EHD2: variants seen among roughly 807,000 people sequenced by gnomAD.
The protein encoded by EHD2 is EH domain containing 2.
EHD2 carries 27 observed loss-of-function variants against 41.0 expected under a neutral mutation model. That is an observed-to-expected ratio of 0.66 (90% CI 0.49 to 0.91). The LOEUF (loss-of-function observed/expected upper bound fraction) is 0.91, where lower values mean the gene tolerates loss of function less well. Ranked by LOEUF, EHD2 falls within the 40% of genes least tolerant of loss-of-function variation. EHD2 has a pLI of 0.00. For synonymous variants in EHD2, 342 were observed against 341.0 expected (o/e 1.00, Z -0.03); for missense variants, 673 against 773.9 (o/e 0.87, Z 1.55).
rs753293483 is a variant in EHD2, at chr19:47,726,214, G to A, written c.905G>A (p.Arg302Gln). The change falls in exon 4 of 6, where the codon CGG becomes CAG. Residue 302 changes from arginine (R) to glutamine (Q), a missense_variant. Physicochemically the swap from Arg to Gln is conservative, Grantham distance 43. Transcript: ENST00000263277. ...CTCAACGACCTGGTGAAGAGGGCCC[G>A]GCTGGTGCGAGTGAGTAGTCCTGAG... is the stretch of plus-strand genomic sequence containing the variant. Reference protein sequence around the residue: ...RKLNDLVKRARLVRVHAYIIS... With the variant: ...RKLNDLVKRAQLVRVHAYIIS... 2 of 1,515,854 alleles carry A rather than the reference G, an allele frequency of 1.3e-6. No individual in the cohort carries two copies. Among genetic ancestry groups the A allele is most frequent in the Admixed American group, 2.3e-5 (1 of 43,966 alleles). The allele number at this position is 1,515,854 out of a possible 1,614,324, so 93.9% of individuals were successfully genotyped here.
rs1030835848 is a variant in EHD2 at position 47,741,987 on chromosome 19, C to T, written c.*555C>T. On this transcript the variant is annotated 3_prime_UTR_variant, in exon 6 of 6. Coordinates refer to ENST00000263277, the MANE Select transcript of EHD2 (RefSeq NM_014601.4). The surrounding 1 kb of genome is among the most constrained non-coding windows in gnomAD (Gnocchi z 4.5). ...TGCCCAGCCAGGCAACACCCTCAACCGGCTCCATCACATCCTCAGGTCTCG... is the reference window on the plus strand; with the variant it reads ...TGCCCAGCCAGGCAACACCCTCAACTGGCTCCATCACATCCTCAGGTCTCG... The T allele has an allele frequency of 3.5e-5, 16 of 455,566 alleles. No homozygotes were observed. Among genetic ancestry groups the T allele is most frequent in the African/African-American group, 2.8e-4 (14 of 50,058 alleles). The allele number at this position is 455,566 out of a possible 1,614,324, so 28.2% of individuals were successfully genotyped here. A position where few individuals can be genotyped will look rare whatever the true frequency, so the allele number is the denominator to read the frequency against.
In EHD2 at chr19:47,725,859, CTCA is replaced by C. The variant is rs1471369257; in HGVS notation, c.556_558del (p.Ile186del). Reference sequence around the variant, plus strand: ...GCGCTGGTTCGCGGAGCGCGTGGACCTCATCATCCTGCTCTTTGATGCGCACAA... The same window carrying C: ...GCGCTGGTTCGCGGAGCGCGTGGACCTCATCCTGCTCTTTGATGCGCACAA... On this transcript the variant is annotated inframe_deletion, in exon 4 of 6. Coordinates refer to ENST00000263277, the MANE Select transcript of EHD2 (RefSeq NM_014601.4). The C allele has an allele frequency of 1.9e-6, 3 of 1,610,800 alleles. No homozygotes were observed. Among genetic ancestry groups the C allele is most frequent in the Non-Finnish European group, 8.5e-7 (1 of 1,177,498 alleles).
intron 5 of EHD2, among the ~76,000 whole-genome samples, chr19:47,739,272 TAA>T (rs1034041288): frequency 6.1e-5 from 7 of 114,302 alleles, no homozygotes; most frequent in African/African-American, 2.7e-4. Flanking sequence ...GGCTAATTTT[TAA>T]TTTTTTTTTT....
chr19:47,733,540 GC>G (rs1295748487), intron 4 of EHD2, among the ~76,000 whole-genome samples: 7 of 151,400 alleles, frequency 4.6e-5, no homozygotes, highest in Non-Finnish European at 1.0e-4. Flanking sequence ...GGTGGCGGGC[GC>G]CTGTAGTCCC....
In EHD2 at chr19:47,721,168, T is replaced by G. The variant is rs1225166863; in HGVS notation, c.502+2562T>G. 9.8e-5 allele frequency among the ~76,000 whole-genome samples: 7 copies of G among 71,652 alleles called. No homozygotes were observed. In the South Asian group the frequency reaches 1.9e-3, roughly 20 times the overall value. The allele number at this position is 71,652 out of a possible 152,430, so 47.0% of individuals were successfully genotyped here. ...GTGTCTGGATGTGCTACTGGGGGTG[T>G]GTGTGTGTGTGTGTGTGTGTGTGTG... On this transcript the variant is annotated intron_variant, in intron 3 of 5. Coordinates refer to ENST00000263277, the MANE Select transcript of EHD2 (RefSeq NM_014601.4).
chr19:47,713,909 G>C (rs1270764678), intron 1 of EHD2, among the ~76,000 whole-genome samples: 1 of 151,534 alleles, frequency 6.6e-6, no homozygotes, highest in Non-Finnish European at 1.5e-5. Context: ...CCCCTCTCCT[G>C]CCTCACCAGC....
rs1275237030 is a variant in EHD2, at chr19:47,716,810, G to A, written c.198G>A (p.Gln66=). Residue 66 remains glutamine (Q), a synonymous_variant, in exon 2 of 6, where the codon CAG becomes CAA. Coordinates refer to ENST00000263277, the MANE Select transcript of EHD2 (RefSeq NM_014601.4). ...AGCCCATGGTGCTGGTGGCCGGCCAGTACAGCACGGGCAAGACCAGCTTCA... is the reference window on the plus strand; with the variant it reads ...AGCCCATGGTGCTGGTGGCCGGCCAATACAGCACGGGCAAGACCAGCTTCA... ...DGKPMVLVAG[Q]YSTGKTSFIQ... 1.9e-6 allele frequency: 3 copies of A among 1,610,568 alleles called. No individual in the cohort carries two copies. In the African/African-American group the frequency reaches 4.0e-5, roughly 21 times the overall value.
intron 3 of EHD2, among the ~76,000 whole-genome samples, chr19:47,720,808 C>T (rs1028321497): frequency 2.0e-5 from 3 of 151,820 alleles, no homozygotes; most frequent in Non-Finnish European, 2.9e-5. Context: ...ATTGTATCTC[C>T]GGATACAGTT....
intron 4 of EHD2, among the ~76,000 whole-genome samples, chr19:47,726,835 C>T (rs144659791): frequency 6.6e-6 from 1 of 152,102 alleles, no homozygotes; most frequent in Non-Finnish European, 1.5e-5. Context: ...CGTGTCACCA[C>T]GCCCAGCTAA....
chr19:47,725,694 A>G, intron 3 of EHD2, 118 bp from the exon 4 acceptor site: 1 of 1,353,956 alleles, frequency 7.4e-7, no homozygotes, highest in Non-Finnish European at 9.8e-7. Context: ...TGGACAGCCA[A>G]CAACGTGAAC....
chr19:47,717,631 GC>G (rs1437736975), intron 2 of EHD2, among the ~76,000 whole-genome samples: 1 of 152,152 alleles, frequency 6.6e-6, no homozygotes, highest in Non-Finnish European at 1.5e-5. Context: ...CTTGGGCCAG[GC>G]CCGGTGGCTC....
At chr19:47,732,526 C>G (rs948275691) in intron 4 of EHD2, among the ~76,000 whole-genome samples, 1 of 152,088 alleles carries the variant, frequency 6.6e-6, no homozygotes, top group Non-Finnish European at 1.5e-5. Flanking sequence ...TCAAGTGATC[C>G]TCCCTCCTCA....
In EHD2 at chr19:47,719,938, G is replaced by C. The variant is rs1240478102; in HGVS notation, c.502+1332G>C. Among the ~76,000 whole-genome samples the C allele has an allele frequency of 4.0e-5, 4 of 99,676 alleles. No homozygotes were observed. The highest frequency in any genetic ancestry group is 2.1e-4 in the African/African-American group (4 of 18,716). 65.4% of individuals were successfully genotyped at this position (99,676 alleles called of 152,430 possible). On this transcript the variant is annotated intron_variant, in intron 3 of 5. Coordinates refer to ENST00000263277, the MANE Select transcript of EHD2 (RefSeq NM_014601.4). This position sits in a 1 kb window ranked among gnomAD's most constrained non-coding sequence, Gnocchi z 4.1. ...AGGAGGAGAGAGTGTCCAGCTGTTGGTGTGTATATGTGTGTGTGTGTGTGT... is the reference window on the plus strand; with the variant it reads ...AGGAGGAGAGAGTGTCCAGCTGTTGCTGTGTATATGTGTGTGTGTGTGTGT...
Position 47,738,204 on chromosome 19 carries a change from C to T in EHD2, c.1080+1671C>T, listed in dbSNP as rs536508480. 3.1e-4 allele frequency among the ~76,000 whole-genome samples: 47 copies of T among 151,890 alleles called. 4 individuals carry two copies. The South Asian group carries it at 8.3e-3, about 27-fold the overall frequency. ...ACCAAGAACACTTTCTAGAACAGAG[C>T]TGTCCAGCAGTACGTTCTACAATGA... On this transcript the variant is annotated intron_variant, in intron 5 of 5. Transcript: ENST00000263277.
chr19:47,736,851 A>G (rs948949219), intron 5 of EHD2, among the ~76,000 whole-genome samples: 1 of 152,154 alleles, frequency 6.6e-6, no homozygotes, highest in Non-Finnish European at 1.5e-5. Flanking sequence ...TTTCTCTTCC[A>G]TGCCTGGCCT....
chr19:47,722,470 T>C (rs2974237), intron 3 of EHD2, among the ~76,000 whole-genome samples: 56,696 of 151,798 alleles, frequency 0.37, 11,015 homozygotes, highest in Middle Eastern at 0.54. Flanking sequence ...GCAGGATGGG[T>C]GCAAGCACCA....
chr19:47,733,661 T>C (rs975176243), intron 4 of EHD2, among the ~76,000 whole-genome samples: 1 of 144,112 alleles, frequency 6.9e-6, no homozygotes, highest in African/African-American at 2.6e-5. Flanking sequence ...AGTGAGACTC[T>C]GTCTCAAAAA....
chr19:47,736,636 G>A, intron 5 of EHD2, 103 bp downstream of exon 5: 2 of 1,319,126 alleles, frequency 1.5e-6, no homozygotes, highest in Non-Finnish European at 2.0e-6. Flanking sequence ...TGGATGGCAG[G>A]TTCTGGAAAG....
At position 47,741,530 on chromosome 19, in the gene EHD2, T is replaced by C; in HGVS notation, c.*98T>C. On this transcript the variant is annotated 3_prime_UTR_variant, in exon 6 of 6. Coordinates refer to ENST00000263277, the MANE Select transcript of EHD2 (RefSeq NM_014601.4). The surrounding 1 kb of genome is among the most constrained non-coding windows in gnomAD (Gnocchi z 4.5). ...TCACACACGCCCTGCCTGCCCTCCC[T>C]GCCCAGCTGTAAGGACCGGGGGTCT... The C allele has an allele frequency of 1.5e-6, 2 of 1,371,620 alleles. No individual in the cohort carries two copies. Among genetic ancestry groups the C allele is most frequent in the South Asian group, 2.7e-5 (2 of 74,150 alleles). 85.0% of individuals were successfully genotyped at this position (1,371,620 alleles called of 1,614,324 possible).
Sources: allele counts gnomAD v4.1 joint callset (sites outside exome capture counted in the v4.1 genomes callset), GRCh38; gene constraint gnomAD v4.1.1; non-coding constraint Gnocchi (gnomAD v3.1); transcripts MANE v1.5; gene names NCBI Gene and HGNC (gene_info 2026-07-23, HGNC 2026-07-21).